FRMD4A: variants seen among roughly 807,000 people sequenced by gnomAD.
FRMD4A encodes the protein FERM domain-containing protein 4A.
A neutral mutation model predicts 129.1 loss-of-function variants in FRMD4A; 29 were observed. The ratio of observed to expected loss-of-function variants is 0.22; its 90% CI spans 0.17 to 0.31. FRMD4A has a LOEUF of 0.31. Among genes scored for constraint, FRMD4A ranks in the 10% least tolerant of loss-of-function variants. The pLI is 1.00. For synonymous variants in FRMD4A, 634 were observed against 571.6 expected (o/e 1.11, Z -1.56); for missense variants, 1,272 against 1,375.8 (o/e 0.92, Z 1.19).
At chr10:14,294,659 T>C (rs1443536162) in intron 2 of FRMD4A, among the ~76,000 whole-genome samples, 1 of 152,232 alleles carries the variant, frequency 6.6e-6, no homozygotes, top group Non-Finnish European at 1.5e-5. Flanking sequence ...GTGAGCACAT[T>C]CTGCATTGCG....
intron 2 of FRMD4A, among the ~76,000 whole-genome samples, chr10:13,872,913 C>T (rs556192499): frequency 5.9e-5 from 9 of 152,116 alleles, no homozygotes; most frequent in South Asian, 2.1e-4. Flanking sequence ...GGAGCCTGGG[C>T]ACAGTGACTC....
chr10:13,899,093 A>G (rs893054174), intron 2 of FRMD4A, among the ~76,000 whole-genome samples: 8 of 152,140 alleles, frequency 5.3e-5, no homozygotes, highest in Non-Finnish European at 8.8e-5. Context: ...TGGGAGGATC[A>G]CTTGAGCTCA....
chr10:13,697,152 A>ATTTTTTT (rs11309575), intron 14 of FRMD4A, among the ~76,000 whole-genome samples: 1 of 136,558 alleles, frequency 7.3e-6, no homozygotes, highest in Non-Finnish European at 1.6e-5. Flanking sequence ...AAACTACTGG[A>ATTTTTTT]TTTTTTTTTT....
intron 2 of FRMD4A, among the ~76,000 whole-genome samples, chr10:14,168,379 T>C (rs950120460): frequency 2.1e-4 from 32 of 152,224 alleles, no homozygotes; most frequent in African/African-American, 7.2e-4. Flanking sequence ...CCTTTTGGAT[T>C]TGCTGAATCC....
At chr10:13,765,112 T>G (rs112703326) in intron 6 of FRMD4A, among the ~76,000 whole-genome samples, 22 of 88,098 alleles carry the variant, frequency 2.5e-4, no homozygotes, top group Non-Finnish European at 2.5e-4. Flanking sequence ...TTTTTTTTTT[T>G]TGTTTTTTTT....
intron 2 of FRMD4A, among the ~76,000 whole-genome samples, chr10:14,155,905 A>G (rs1461255079): frequency 6.6e-6 from 1 of 152,214 alleles, no homozygotes; most frequent in Non-Finnish European, 1.5e-5. Context: ...CAAATGCTAC[A>G]TAACACAGTG....
intron 2 of FRMD4A, among the ~76,000 whole-genome samples, chr10:14,197,524 C>T (rs1375004757): frequency 6.6e-6 from 1 of 152,128 alleles, no homozygotes. Flanking sequence ...TCAGGCCCAG[C>T]TAATTTTTGT....
At position 13,659,396 on chromosome 10, in the gene FRMD4A, A is replaced by G; in HGVS notation, c.1993T>C (p.Trp665Arg). ...QNSPIRGLPH[W>R]NSQSSMPSTP... ...GACGGCATGCTGGACTGGGAGTTCC[A>G]GTGCGGGAGGCCGCGGATGGGGCTG... Residue 665 changes from tryptophan to arginine, a missense_variant, in exon 21 of 25, where the codon TGG becomes CGG. By Grantham distance (101) the Trp-to-Arg change is moderately radical. This residue lies in a region of FRMD4A where 972 missense variants were observed against 892.3 expected (regional missense o/e 1.09). Coordinates refer to ENST00000357447, the MANE Select transcript of FRMD4A (RefSeq NM_018027.5). The G allele has an allele frequency of 1.2e-6, 2 of 1,614,092 alleles. No homozygotes were observed. Among genetic ancestry groups the G allele is most frequent in the Non-Finnish European group, 1.7e-6 (2 of 1,179,958 alleles).
chr10:14,223,234 G>T (rs1287271499), intron 2 of FRMD4A, among the ~76,000 whole-genome samples: 1 of 152,178 alleles, frequency 6.6e-6, no homozygotes, highest in Admixed American at 6.5e-5. Flanking sequence ...AAGTCATCAT[G>T]GTGCCTCTCC....
At chr10:14,173,361 G>T (rs61014188) in intron 2 of FRMD4A, among the ~76,000 whole-genome samples, 26 of 152,214 alleles carry the variant, frequency 1.7e-4, no homozygotes, top group African/African-American at 5.8e-4. Context: ...AAGAACAAGC[G>T]CTTAGAGTCT....
Position 13,747,803 on chromosome 10 carries a change from T to C in FRMD4A, c.481A>G (p.Ser161Gly). The C allele has an allele frequency of 6.3e-7, 1 of 1,594,472 alleles. No individual in the cohort carries two copies. The highest frequency in any genetic ancestry group is 8.6e-7 in the Non-Finnish European group (1 of 1,162,316). The change falls in exon 9 of 25, where the codon AGT (serine) becomes GGT (glycine). Residue 161 changes from serine to glycine, a missense_variant. Ser to Gly is a moderately conservative substitution (Grantham distance 56). Around this residue, in one of 2 missense-constraint regions of FRMD4A, gnomAD observed 300 missense variants for 483.6 expected, o/e 0.62. Transcript: ENST00000357447. ...GDFSSNEVVR[S>G]DLKKLPALPT... ...AGGGCTGGCAGCTTCTTCAAGTCAC[T>C]CCTCACAACTTCATTGCTGAAAGAG...
intron 2 of FRMD4A, among the ~76,000 whole-genome samples, chr10:14,217,821 ACTCT>A (rs1359183504): frequency 2.1e-5 from 3 of 145,152 alleles, no homozygotes; most frequent in South Asian, 2.2e-4. Context: ...ATTTATTTTT[ACTCT>A]CTCTCTCTTT....
At chr10:14,306,394 C>T (rs975914409) in intron 2 of FRMD4A, among the ~76,000 whole-genome samples, 1 of 152,154 alleles carries the variant, frequency 6.6e-6, no homozygotes, top group African/African-American at 2.4e-5. Context: ...CCGAGAGAAG[C>T]CCACAGATGC....
At chr10:13,791,891 A>C (rs2093010197) in intron 5 of FRMD4A, among the ~76,000 whole-genome samples, 1 of 152,230 alleles carries the variant, frequency 6.6e-6, no homozygotes, top group Non-Finnish European at 1.5e-5. Flanking sequence ...AGAAAAGCAC[A>C]GTTCAAAGAA....
chr10:14,175,216 C>T (rs1841673644), intron 2 of FRMD4A, among the ~76,000 whole-genome samples: 2 of 152,216 alleles, frequency 1.3e-5, no homozygotes, highest in South Asian at 4.1e-4. Flanking sequence ...ATATATGTGA[C>T]ACATGTGCAC....
At chr10:14,322,834 A>G (rs548627800) in intron 2 of FRMD4A, among the ~76,000 whole-genome samples, 71 of 152,362 alleles carry the variant, frequency 4.7e-4, no homozygotes, top group African/African-American at 1.7e-3. Context: ...AGAAACTGCT[A>G]CTTGCACCAG....
chr10:13,772,433 T>C (rs1329399851), intron 6 of FRMD4A, among the ~76,000 whole-genome samples: 1 of 151,998 alleles, frequency 6.6e-6, no homozygotes, highest in East Asian at 1.9e-4. Flanking sequence ...CTAAACTCTC[T>C]ACCAATAGGA....
intron 24 of FRMD4A, chr10:13,648,818 A>G (rs2081320868): frequency 6.6e-6 from 1 of 152,150 alleles, no homozygotes; most frequent in Non-Finnish European, 1.5e-5. Context: ...TAACACAAAC[A>G]TGATCTGGGT....
chr10:14,217,498 C>G (rs1167107968), intron 2 of FRMD4A, among the ~76,000 whole-genome samples: 1 of 152,230 alleles, frequency 6.6e-6, no homozygotes, highest in Non-Finnish European at 1.5e-5. Context: ...GTACCTTTCA[C>G]CTTCTGCCAT....
Sources: gnomAD v4.1 joint callset for allele counts (sites outside exome capture counted in the v4.1 genomes callset) on GRCh38, gnomAD v4.1.1 for gene constraint, gnomAD v4.1.1 regional missense constraint, MANE v1.5 for transcripts, NCBI Gene and HGNC (gene_info 2026-07-23, HGNC 2026-07-21) for gene names.